Variants in KIAA1549L observed in about 807,000 individuals in gnomAD.
KIAA1549L encodes KIAA1549 like.
In KIAA1549L, 88 loss-of-function variants were observed where a neutral mutation model predicts 160.7. The ratio of observed to expected loss-of-function variants is 0.55; its 90% confidence interval spans 0.46 to 0.65. The LOEUF (loss-of-function observed/expected upper bound fraction) is 0.65. Ranked by LOEUF, KIAA1549L falls within the 30% of genes least tolerant of loss-of-function variation. KIAA1549L has a pLI of 0.00. For synonymous variants in KIAA1549L, 950 were observed against 976.7 expected, an observed-to-expected ratio of 0.97 and a Z score of 0.51; for missense variants, 2,258 against 2,437.5, an observed-to-expected ratio of 0.93 and a Z score of 1.55.
At chr11:33,584,800 CA>C (rs2133271993) in intron 11 of KIAA1549L, among the ~76,000 whole-genome samples, 1 of 152,278 alleles carries the variant, frequency 6.6e-6, no homozygotes, top group Non-Finnish European at 1.5e-5. Context: ...GCATTTTCGC[CA>C]TTATACACCT....
intron 2 of KIAA1549L, 21 bp from the exon 3 acceptor site, chr11:33,544,746 T>C: frequency 6.4e-7 from 1 of 1,558,126 alleles, no homozygotes; most frequent in Non-Finnish European, 8.7e-7. Flanking sequence ...ATGACAAACT[T>C]TGTTTTTTCT....
chr11:33,602,517 A>G (rs1850390977), intron 13 of KIAA1549L, among the ~76,000 whole-genome samples: 2 of 152,200 alleles, frequency 1.3e-5, no homozygotes, highest in Admixed American at 1.3e-4. Flanking sequence ...AGAGGGAGGC[A>G]CTCCCCATGC....
chr11:33,488,868 C>T (rs190642870), intron 1 of KIAA1549L, among the ~76,000 whole-genome samples: 57 of 152,296 alleles, frequency 3.7e-4, no homozygotes, highest in African/African-American at 1.3e-3. Context: ...TGCAGGGTCA[C>T]CCAGTTTGCA....
At chr11:33,388,366 C>T (rs1421000923) in intron 1 of KIAA1549L, among the ~76,000 whole-genome samples, 2 of 152,136 alleles carry the variant, frequency 1.3e-5, no homozygotes, top group Non-Finnish European at 2.9e-5. Context: ...CCCCATGATT[C>T]AGTTACCTCC....
intron 13 of KIAA1549L, among the ~76,000 whole-genome samples, chr11:33,606,375 G>C (rs1426263015): frequency 6.6e-6 from 1 of 152,102 alleles, no homozygotes; most frequent in Non-Finnish European, 1.5e-5. Flanking sequence ...TCATAGTTTT[G>C]AAAGAATGGT....
chr11:33,470,372 A>G (rs181381203), intron 1 of KIAA1549L, among the ~76,000 whole-genome samples: 51 of 152,110 alleles, frequency 3.4e-4, no homozygotes, highest in Non-Finnish European at 6.6e-4. Context: ...CATTGATCTC[A>G]TATGTCCATC....
chr11:33,488,800 C>G (rs1852589596), intron 1 of KIAA1549L, among the ~76,000 whole-genome samples: 1 of 152,180 alleles, frequency 6.6e-6, no homozygotes, highest in Non-Finnish European at 1.5e-5. Flanking sequence ...CCTAAGAGCA[C>G]TGTGAGTTTT....
intron 1 of KIAA1549L, among the ~76,000 whole-genome samples, chr11:33,427,299 C>G (rs1405511181): frequency 6.6e-6 from 1 of 152,176 alleles, no homozygotes; most frequent in African/African-American, 2.4e-5. Flanking sequence ...ACCTGGCTGC[C>G]TGAATCCTGC....
chr11:33,579,597 A>C (rs1855567987), intron 10 of KIAA1549L, among the ~76,000 whole-genome samples: 1 of 152,220 alleles, frequency 6.6e-6, no homozygotes, highest in Admixed American at 6.5e-5. Flanking sequence ...GACTGGGGAC[A>C]CTGATGGGAT....
intron 1 of KIAA1549L, among the ~76,000 whole-genome samples, chr11:33,379,349 A>T (rs1394149164): frequency 6.6e-6 from 1 of 152,102 alleles, no homozygotes; most frequent in Non-Finnish European, 1.5e-5. Context: ...TCTCTTTTCC[A>T]CATAAAGAAA....
At chr11:33,530,436 AATATATATATATAT>A (rs869093534) in intron 1 of KIAA1549L, among the ~76,000 whole-genome samples, 258 of 11,704 alleles carry the variant, frequency 0.022, 1 homozygote, top group Non-Finnish European at 0.024. Flanking sequence ...AAAAAAAAAA[AATATATATATATAT>A]ATATATATAT....
intron 1 of KIAA1549L, among the ~76,000 whole-genome samples, chr11:33,465,407 T>G (rs1852036231): frequency 1.3e-5 from 2 of 152,098 alleles, no homozygotes. Flanking sequence ...AAATATTCTC[T>G]GACCCCAGAG....
intron 12 of KIAA1549L, among the ~76,000 whole-genome samples, chr11:33,597,422 C>T (rs766690639): frequency 2.6e-5 from 4 of 151,968 alleles, no homozygotes; most frequent in Non-Finnish European, 5.9e-5. Context: ...GAGGAGCATC[C>T]GGAAGGATAC....
chr11:33,643,831 G>A (rs1380530236), intron 16 of KIAA1549L, among the ~76,000 whole-genome samples: 3 of 152,200 alleles, frequency 2.0e-5, no homozygotes, highest in Admixed American at 1.3e-4. Context: ...TGTGAAGAAC[G>A]TAACTTTCAA....
At chr11:33,578,671 C>T (rs922208537) in intron 10 of KIAA1549L, among the ~76,000 whole-genome samples, 4 of 152,222 alleles carry the variant, frequency 2.6e-5, no homozygotes, top group Non-Finnish European at 5.9e-5. Context: ...CAGGACTGCA[C>T]AGCTTGGTCT....
intron 15 of KIAA1549L, among the ~76,000 whole-genome samples, chr11:33,615,418 A>G (rs147824535): frequency 7.3e-4 from 111 of 152,334 alleles, no homozygotes; most frequent in Non-Finnish European, 1.2e-3. Context: ...TCAAGTTTGT[A>G]TGCTTCAAAA....
intron 1 of KIAA1549L, among the ~76,000 whole-genome samples, chr11:33,392,891 A>G (rs190198204): frequency 6.6e-5 from 10 of 152,290 alleles, no homozygotes; most frequent in Admixed American, 5.9e-4. Context: ...GAACACTTTC[A>G]TAATTCTGAC....
At chr11:33,435,976 A>C (rs939358406) in intron 1 of KIAA1549L, among the ~76,000 whole-genome samples, 3 of 146,548 alleles carry the variant, frequency 2.0e-5, no homozygotes, top group African/African-American at 7.5e-5. Flanking sequence ...AAAAAAAAAA[A>C]GTACAACAAA....
At chr11:33,566,094 G>A (rs994895949) in intron 8 of KIAA1549L, among the ~76,000 whole-genome samples, 1 of 152,148 alleles carries the variant, frequency 6.6e-6, no homozygotes, top group African/African-American at 2.4e-5. Context: ...GTGCAATCCA[G>A]TGGGATCAGG....
Sources: allele counts gnomAD v4.1 joint callset (sites outside exome capture counted in the v4.1 genomes callset), GRCh38; gene constraint gnomAD v4.1.1; transcripts MANE v1.5; gene names NCBI Gene and HGNC (gene_info 2026-07-23, HGNC 2026-07-21).